Variants in ABCA9 observed in about 807,000 individuals in gnomAD.
ABCA9 encodes the protein ATP-binding cassette sub-family A member 9.
ABCA9 carries 183 observed loss-of-function variants against 205.3 expected under a neutral mutation model. The observed-to-expected ratio is 0.89, with a 90% confidence interval of 0.79 to 1.01. ABCA9 has a LOEUF of 1.01. Ranked by LOEUF, ABCA9 falls within the 50% of genes least tolerant of loss-of-function variation. ABCA9 has a pLI of 0.00. For synonymous variants in ABCA9, 651 were observed against 683.3 expected (o/e 0.95, Z 0.74); for missense variants, 1,805 against 1,912.4 (o/e 0.94, Z 1.05).
chr17:69,060,933 A>C (rs1025415301), upstream of ABCA9: 7 of 985,318 alleles, frequency 7.1e-6, no homozygotes, highest in Non-Finnish European at 1.2e-6. Flanking sequence ...GTTCTGGAGG[A>C]GAATTCACAT....
rs1259927579 is a variant in ABCA9, at chr17:69,024,281, T to C, written c.2214A>G (p.Lys738=). 3.7e-6 allele frequency: 6 copies of C among 1,613,252 alleles called. No individual in the cohort carries two copies. The highest frequency in any genetic ancestry group is 1.7e-5 in the Admixed American group (1 of 59,958). ...SLVKQHISDA[K]LTAQSEEKLV... is the part of the protein sequence containing the mutation. Reference sequence around the variant, plus strand: ...GTTTTTCTTCACTTTGTGCTGTCAATTTGGCATCAGAGATGTGCTGCTTAA... The same window carrying C: ...GTTTTTCTTCACTTTGTGCTGTCAACTTGGCATCAGAGATGTGCTGCTTAA... The change falls in exon 17 of 39, where the codon AAA becomes AAG. Residue 738 remains lysine (K), a synonymous_variant. Coordinates refer to ENST00000340001, the MANE Select transcript of ABCA9 (RefSeq NM_080283.4).
chr17:69,056,812 A>G (rs1048633925), intron 1 of ABCA9, among the ~76,000 whole-genome samples: 1 of 152,196 alleles, frequency 6.6e-6, no homozygotes, highest in African/African-American at 2.4e-5. Flanking sequence ...GATGGTGGTA[A>G]TAACTATTTT....
intron 1 of ABCA9, chr17:69,051,411 T>G: frequency 5.3e-6 from 2 of 380,210 alleles, no homozygotes; most frequent in Non-Finnish European, 4.8e-6. Flanking sequence ...TGCTATCTCC[T>G]CAACTGTGGG....
intron 3 of ABCA9, among the ~76,000 whole-genome samples, chr17:69,045,724 G>T (rs1283352944): frequency 6.6e-6 from 1 of 152,122 alleles, no homozygotes; most frequent in African/African-American, 2.4e-5. Flanking sequence ...TTTCCAGGGA[G>T]GCAGGAGAGA....
chr17:68,993,718 A>G (rs1488870067), intron 26 of ABCA9, among the ~76,000 whole-genome samples: 3 of 152,196 alleles, frequency 2.0e-5, no homozygotes, highest in Admixed American at 2.0e-4. Flanking sequence ...GCCATCCACC[A>G]TCTAGAAAAG....
chr17:69,060,529 CAAAGA>C (rs927835986), intron 1 of ABCA9, among the ~76,000 whole-genome samples: 4 of 143,816 alleles, frequency 2.8e-5, no homozygotes, highest in African/African-American at 1.0e-4. Flanking sequence ...TAAAAACAAA[CAAAGA>C]AGAGTAAGTA....
rs376651687 is a variant in ABCA9, at chr17:68,985,271, T to C, written c.4209-143A>G. 575 of 945,670 alleles carry C rather than the reference T, an allele frequency of 6.1e-4. 3 individuals are homozygous for C. The highest frequency in any genetic ancestry group is 1.7e-3 in the Middle Eastern group (8 of 4,678). 58.6% of individuals were successfully genotyped at this position (945,670 alleles called of 1,614,324 possible). A position where few individuals can be genotyped will look rare whatever the true frequency, so the allele number is the denominator to read the frequency against. ...ATAAAATTTAAACCACCTAGGTACTTTATGAACCTTTCATAGTCATCAAAC... is the reference window on the plus strand; with the variant it reads ...ATAAAATTTAAACCACCTAGGTACTCTATGAACCTTTCATAGTCATCAAAC... On this transcript the variant is annotated intron_variant, in intron 32 of 38. Transcript: ENST00000340001.
In ABCA9 at chr17:69,016,400, A is replaced by C; in HGVS notation, c.2902-10T>G. 1 of 1,566,818 alleles carries C rather than the reference A, an allele frequency of 6.4e-7. No homozygotes were observed. The highest frequency in any genetic ancestry group is 8.6e-7 in the Non-Finnish European group (1 of 1,162,778). On this transcript the variant is annotated splice_polypyrimidine_tract_variant and intron_variant, in intron 21 of 38. Coordinates refer to ENST00000340001, the MANE Select transcript of ABCA9 (RefSeq NM_080283.4). ...TTGAAAATCTGTGATCCTGAAATACAACAAGTACCAATTCGAAGTCTTCAT... is the reference window on the plus strand; with the variant it reads ...TTGAAAATCTGTGATCCTGAAATACCACAAGTACCAATTCGAAGTCTTCAT...
At chr17:69,025,919 A>G (rs145092167) in intron 16 of ABCA9, among the ~76,000 whole-genome samples, 14 of 152,254 alleles carry the variant, frequency 9.2e-5, no homozygotes, top group Non-Finnish European at 1.9e-4. Flanking sequence ...TAAGTACCTA[A>G]AACATAGCCA....
rs1396753251 is a variant in ABCA9, at chr17:68,986,316, C to CA, written c.4055dup (p.Leu1352PhefsTer95). On this transcript the variant is annotated frameshift_variant, in exon 32 of 39. Coordinates refer to ENST00000340001, the MANE Select transcript of ABCA9 (RefSeq NM_080283.4). LOFTEE classifies it high-confidence loss of function. ...GGGGTTCCCCTCCACCGCTCCCTTT[C>CA]AAAATCACCTATGCAAAATAAGTTC... 1 of 1,607,324 alleles carries CA rather than the reference C, an allele frequency of 6.2e-7. No homozygotes were observed. The highest frequency in any genetic ancestry group is 2.2e-5 in the East Asian group (1 of 44,760).
intron 22 of ABCA9, among the ~76,000 whole-genome samples, chr17:69,012,742 A>G (rs888942691): frequency 7.2e-5 from 11 of 152,174 alleles, no homozygotes; most frequent in Admixed American, 4.6e-4. Flanking sequence ...AAACAATCCA[A>G]TTATACTCTT....
intron 1 of ABCA9, among the ~76,000 whole-genome samples, chr17:69,054,973 CAA>C (rs550090870): frequency 1.3e-5 from 2 of 149,036 alleles, no homozygotes; most frequent in Non-Finnish European, 3.0e-5. Flanking sequence ...AAACAAAAAA[CAA>C]AAAAAATGAG....
chr17:68,982,709 A>G (rs2069099081), intron 36 of ABCA9, 68 bp from the exon 37 acceptor site: 3 of 1,293,840 alleles, frequency 2.3e-6, no homozygotes, highest in Admixed American at 1.7e-5. Context: ...GTACAAGTCT[A>G]AAAAGGGAAA....
intron 10 of ABCA9, among the ~76,000 whole-genome samples, chr17:69,030,517 T>C (rs2071120259): frequency 6.6e-6 from 1 of 152,224 alleles, no homozygotes; most frequent in Non-Finnish European, 1.5e-5. Flanking sequence ...TTTGAGGGGA[T>C]ATAATTCAAT....
In ABCA9 at chr17:69,023,719, A is replaced by G. The variant is rs539652240; in HGVS notation, c.2281+495T>C. On this transcript the variant is annotated intron_variant, in intron 17 of 38. Transcript: ENST00000340001. This position sits in a 1 kb window ranked among gnomAD's most constrained non-coding sequence, Gnocchi z 4.2. ...TAGTTCTCCAAGCTTCTGTGTTTGCAGCAAAGTTGTACATTGAAGTGTTTG... is the reference window on the plus strand; with the variant it reads ...TAGTTCTCCAAGCTTCTGTGTTTGCGGCAAAGTTGTACATTGAAGTGTTTG... 1.3e-5 allele frequency among the ~76,000 whole-genome samples: 2 copies of G among 152,318 alleles called. No homozygotes were observed. The highest frequency in any genetic ancestry group is 3.9e-4 in the East Asian group (2 of 5,186).
At chr17:68,992,897 G>T in intron 27 of ABCA9, 119 bp downstream of exon 27, 1 of 728,992 alleles carries the variant, frequency 1.4e-6, no homozygotes, top group Non-Finnish European at 2.3e-6. Context: ...GCATGTGTGT[G>T]TTGCTTCAAA....
rs767160722 is a variant in ABCA9, at chr17:69,028,605, G to A, written c.1545C>T (p.Leu515=). The stretch of plus-strand genomic sequence containing the variant: ...TTTTTCCAGCTCCACTGTGACCAAG[G>A]AGGGCAGTGATCTGGCCTTCATATA... ...FDIYEGQITA[L]LGHSGAGKTT... Residue 515 remains leucine, a synonymous_variant, in exon 12 of 39, where the codon CTC becomes CTT. Coordinates refer to ENST00000340001, the MANE Select transcript of ABCA9 (RefSeq NM_080283.4). 6.2e-6 allele frequency: 10 copies of A among 1,609,684 alleles called. No homozygotes were observed. The highest frequency in any genetic ancestry group is 8.5e-6 in the Non-Finnish European group (10 of 1,177,698).
At position 69,043,600 on chromosome 17, in the gene ABCA9, CA is replaced by C; in HGVS notation, c.688del (p.Cys230AlafsTer26). On this transcript the variant is annotated frameshift_variant, in exon 6 of 39. Transcript: ENST00000340001. LOFTEE classifies it high-confidence loss of function. ...TATAAATGTAGAAAAAGAAATAATG[CA>C]AAAGAAAATGAAAAAATCAGTTGCA... is the stretch of plus-strand genomic sequence containing the variant. ...GVATDFFIFF[C>X]IISFSTFIYY... 1 of 1,613,078 alleles carries C rather than the reference CA, an allele frequency of 6.2e-7. No individual in the cohort carries two copies. Among genetic ancestry groups the C allele is most frequent in the Non-Finnish European group, 8.5e-7 (1 of 1,179,480 alleles).
intron 8 of ABCA9, 72 bp from the exon 9 acceptor site, chr17:69,033,945 G>T: frequency 7.9e-7 from 1 of 1,260,344 alleles, no homozygotes; most frequent in Non-Finnish European, 1.1e-6. Flanking sequence ...TTTTATTTCT[G>T]CTACAACTGG....
Sources: gnomAD v4.1 joint callset for allele counts (sites outside exome capture counted in the v4.1 genomes callset) on GRCh38, gnomAD v4.1.1 for gene constraint, Gnocchi (gnomAD v3.1) non-coding constraint, MANE v1.5 for transcripts, NCBI Gene and HGNC (gene_info 2026-07-23, HGNC 2026-07-21) for gene names.